Variants in IL13RA1 observed in about 807,000 individuals in gnomAD.
IL13RA1 encodes the protein interleukin-13 receptor subunit alpha-1.
IL13RA1 carries 14 observed loss-of-function variants against 33.8 expected under a neutral mutation model. The observed-to-expected ratio is 0.41, with a 90% CI of 0.27 to 0.65. The LOEUF is 0.65. Ranked by LOEUF, IL13RA1 falls within the 30% of genes least tolerant of loss-of-function variation. The pLI, the probability that IL13RA1 is intolerant of heterozygous loss-of-function variation, is 0.28. For synonymous variants in IL13RA1, 116 were observed against 115.7 expected (o/e 1.00, Z -0.02); for missense variants, 313 against 327.0 (o/e 0.96, Z 0.33).
rs1556373003 is a variant in IL13RA1 at position 118,784,101 on chromosome X, A to ATACGTATATATG, written c.1191+7592_1191+7593insCGTATATATGTA. 2.4e-3 allele frequency among the ~76,000 whole-genome samples: 156 copies of ATACGTATATATG among 65,488 alleles called. 7 individuals carry two copies. The South Asian group carries it at 0.048, about 20-fold the overall frequency. 56.9% of individuals were successfully genotyped at this position (65,488 alleles called of 115,157 possible). A position where few individuals can be genotyped will look rare whatever the true frequency, so the allele number is the denominator to read the frequency against. ...CCAAAAAAAAAAAAAATATATATATATATATATACGTATATATGTATATAT... is the reference window on the plus strand; with the variant it reads ...CCAAAAAAAAAAAAAATATATATATATACGTATATATGTATATATACGTATATATGTATATAT... On this transcript the variant is annotated intron_variant, in intron 10 of 10. Transcript: ENST00000371666.
At chrX:118,727,895 G>C (rs1469989868) in intron 1 of IL13RA1, among the ~76,000 whole-genome samples, 169 bp downstream of exon 1, 1 of 112,363 alleles carries the variant, frequency 8.9e-6, no homozygotes, top group African/African-American at 3.2e-5. Flanking sequence ...TCCCGCGCGG[G>C]ATCTCTGGGG....
intron 10 of IL13RA1, among the ~76,000 whole-genome samples, chrX:118,785,262 T>G (rs1569459566): frequency 9.1e-6 from 1 of 110,112 alleles, no homozygotes. Flanking sequence ...GCCTGGCTAA[T>G]TTTTAAATTT....
chrX:118,782,604 C>CT (rs34711097), intron 10 of IL13RA1, among the ~76,000 whole-genome samples: 2,723 of 100,573 alleles, frequency 0.027, 94 homozygotes, highest in African/African-American at 0.091. Context: ...TTTGTTTTTG[C>CT]TTTTTTTTTT....
downstream of IL13RA1, among the ~76,000 whole-genome samples, chrX:118,799,142 G>A (rs1304640584): frequency 3.5e-5 from 4 of 113,093 alleles, no homozygotes; most frequent in East Asian, 2.8e-4. Flanking sequence ...CAGCAGTGCC[G>A]GCCCACCGGC....
intron 2 of IL13RA1, among the ~76,000 whole-genome samples, chrX:118,745,811 A>T (rs980652947): frequency 9.0e-6 from 1 of 110,685 alleles, no homozygotes; most frequent in African/African-American, 3.3e-5. Flanking sequence ...TCCATTCTTA[A>T]TTATTCCAAC....
the IL13RA1 span, among the ~76,000 whole-genome samples, chrX:118,799,645 ACT>A: frequency 2.8e-5 from 3 of 105,649 alleles, no homozygotes; most frequent in African/African-American, 1.1e-4. Flanking sequence ...ACCAATCGAC[ACT>A]CTGTATCTAG....
intron 10 of IL13RA1, among the ~76,000 whole-genome samples, chrX:118,781,992 T>C (rs2017848553): frequency 1.8e-5 from 2 of 112,667 alleles, no homozygotes; most frequent in African/African-American, 3.2e-5. Context: ...TCAGTTGATA[T>C]CCTTGCTTGA....
intron 1 of IL13RA1, among the ~76,000 whole-genome samples, chrX:118,735,462 A>G (rs779601930): frequency 1.9e-3 from 208 of 112,043 alleles, no homozygotes; most frequent in African/African-American, 6.3e-3. Flanking sequence ...AATTTTTCCA[A>G]TAGTACTGCT....
chrX:118,760,740 A>G (rs1284735580), intron 5 of IL13RA1, among the ~76,000 whole-genome samples: 1 of 112,280 alleles, frequency 8.9e-6, no homozygotes, highest in African/African-American at 3.2e-5. Flanking sequence ...AACCCTGCAT[A>G]TATCTGCAGT....
chrX:118,744,859 A>T (rs951332669), intron 2 of IL13RA1, among the ~76,000 whole-genome samples: 2 of 112,470 alleles, frequency 1.8e-5, no homozygotes, highest in Non-Finnish European at 3.7e-5. Context: ...TTGACTGTAC[A>T]GTCTAATTTG....
chrX:118,784,129 G>A (rs5910415), intron 10 of IL13RA1, among the ~76,000 whole-genome samples: 742 of 61,423 alleles, frequency 0.012, 51 homozygotes, highest in South Asian at 0.055. Context: ...GTATATATAT[G>A]TATATATATA....
Position 118,727,643 on chromosome X carries a change from A to C in IL13RA1, c.5A>C (p.Glu2Ala). Reference protein sequence around the residue: MEWPARLCGLWA... With the variant: MAWPARLCGLWA... ...GGCTCCGAGGCGAGAGGCTGCATGG[A>C]GTGGCCGGCGCGGCTCTGCGGGCTG... is the stretch of plus-strand genomic sequence containing the variant. The change falls in exon 1 of 11, where the codon GAG becomes GCG. Residue 2 changes from glutamate (E) to alanine (A), a missense_variant. Physicochemically the swap from Glu to Ala is moderately radical, Grantham distance 107. Coordinates refer to ENST00000371666, the MANE Select transcript of IL13RA1 (RefSeq NM_001560.3). 1.1e-6 allele frequency: 1 copy of C among 902,158 alleles called. No homozygotes were observed. The highest frequency in any genetic ancestry group is 1.4e-6 in the Non-Finnish European group (1 of 730,242). The allele number at this position is 902,158 out of a possible 1,213,427, so 74.3% of individuals were successfully genotyped here. A position where few individuals can be genotyped will look rare whatever the true frequency, so the allele number is the denominator to read the frequency against.
Position 118,773,917 on chromosome X carries a change from C to T in IL13RA1, c.1048C>T (p.Leu350Phe), listed in dbSNP as rs1227885960. Residue 350 changes from leucine (L) to phenylalanine (F), a missense_variant, in exon 9 of 11, where the codon CTC becomes TTC. Physicochemically the swap from Leu to Phe is conservative, Grantham distance 22 (BLOSUM62 0). Transcript: ENST00000371666. ...TTCCACACTCTACATAACCATGTTA[C>T]TCATTGTTCCAGTCATCGTCGCAGG... ...RNSTLYITMLLIVPVIVAGAI... is the reference protein window; with the variant it reads ...RNSTLYITMLFIVPVIVAGAI... 2 of 1,092,659 alleles carry T rather than the reference C, an allele frequency of 1.8e-6. No homozygotes were observed. Among genetic ancestry groups the T allele is most frequent in the South Asian group, 3.7e-5 (2 of 54,366 alleles). 90.0% of individuals were successfully genotyped at this position (1,092,659 alleles called of 1,213,427 possible). A position where few individuals can be genotyped will look rare whatever the true frequency, so the allele number is the denominator to read the frequency against.
At chrX:118,789,792 A>AT (rs762136257) in intron 10 of IL13RA1, among the ~76,000 whole-genome samples, 102 of 110,053 alleles carry the variant, frequency 9.3e-4, no homozygotes, top group Non-Finnish European at 1.6e-3. Flanking sequence ...TACTTATTTG[A>AT]TTTTTTTTAA....
downstream of IL13RA1, among the ~76,000 whole-genome samples, chrX:118,795,560 T>G (rs2018025752): frequency 8.9e-6 from 1 of 112,366 alleles, no homozygotes; most frequent in African/African-American, 3.2e-5. Context: ...AGAAACCTCT[T>G]TTCTGATTCT....
intron 1 of IL13RA1, among the ~76,000 whole-genome samples, chrX:118,729,363 T>C (rs1261079065): frequency 8.9e-6 from 1 of 112,385 alleles, no homozygotes; most frequent in East Asian, 2.8e-4. Context: ...ATTAAAAGTA[T>C]TGATAGAATT....
intron 1 of IL13RA1, among the ~76,000 whole-genome samples, chrX:118,729,813 G>A (rs928764977): frequency 3.6e-5 from 4 of 111,877 alleles, no homozygotes; most frequent in South Asian, 3.7e-4. Context: ...GCCCAAATTC[G>A]CATACCTGGC....
chrX:118,771,701 G>A (rs1400470883), intron 8 of IL13RA1, among the ~76,000 whole-genome samples: 2 of 112,537 alleles, frequency 1.8e-5, no homozygotes, highest in Admixed American at 9.3e-5. Context: ...TGGGCTGGGC[G>A]CCATGGCTCA....
the IL13RA1 span, among the ~76,000 whole-genome samples, chrX:118,802,308 A>G: frequency 8.9e-6 from 1 of 112,701 alleles, no homozygotes; most frequent in Non-Finnish European, 1.9e-5. Flanking sequence ...CTAGAATTAC[A>G]GAAAAAGAAT....
Sources: allele counts gnomAD v4.1 joint callset (sites outside exome capture counted in the v4.1 genomes callset), GRCh38; gene constraint gnomAD v4.1.1; transcripts MANE v1.5; gene names NCBI Gene and HGNC (gene_info 2026-07-23, HGNC 2026-07-21).